The following RAD52 variants were observed in gnomAD, a reference collection of about 807,000 sequenced individuals.
RAD52 encodes the protein DNA repair protein RAD52 homolog.
A neutral mutation model predicts 55.5 loss-of-function variants in RAD52; 47 were observed. The ratio of observed to expected loss-of-function variants is 0.85; its 90% CI spans 0.67 to 1.08. The LOEUF (loss-of-function observed/expected upper bound fraction) is 1.08. Among genes scored for constraint, RAD52 ranks in the 50% least tolerant of loss-of-function variants. The pLI is 0.00. For missense variants in RAD52, 468 were observed against 522.8 expected (o/e 0.90, Z 1.02); for synonymous variants, 184 against 198.9 (o/e 0.92, Z 0.63).
chr12:945,572 T>C (rs1317448810), intron 1 of RAD52, among the ~76,000 whole-genome samples: 1 of 151,134 alleles, frequency 6.6e-6, no homozygotes, highest in African/African-American at 2.4e-5. Flanking sequence ...TAGCTGGAAC[T>C]ACAGGCATGC....
chr12:966,752 C>G (rs1007229020), intron 1 of RAD52, among the ~76,000 whole-genome samples: 8 of 151,926 alleles, frequency 5.3e-5, no homozygotes, highest in African/African-American at 1.9e-4. Flanking sequence ...GTCCTAGGAG[C>G]TCAAATAATA....
intron 10 of RAD52, 74 bp from the exon 11 acceptor site, chr12:914,195 C>A: frequency 7.0e-7 from 1 of 1,436,488 alleles, no homozygotes; most frequent in South Asian, 1.2e-5. Context: ...GAAAAACTGG[C>A]CCTCAGAAAT....
chr12:950,941 A>G (rs1034093445), upstream of RAD52, among the ~76,000 whole-genome samples: 8 of 151,956 alleles, frequency 5.3e-5, no homozygotes, highest in East Asian at 1.6e-3. Context: ...TAGTAGAGAC[A>G]GGGTTTCTCC....
chr12:956,919 T>C (rs1344426672), intron 1 of RAD52, among the ~76,000 whole-genome samples: 2 of 152,188 alleles, frequency 1.3e-5, no homozygotes, highest in Admixed American at 6.5e-5. Flanking sequence ...AGATGAGTTA[T>C]AAGATTATAG....
intron 1 of RAD52, among the ~76,000 whole-genome samples, chr12:955,032 C>T (rs1958585435): frequency 1.3e-5 from 2 of 152,134 alleles, no homozygotes; most frequent in South Asian, 4.1e-4. Context: ...AAGTGCTAGG[C>T]AGACAAAACA....
chr12:923,731 ATAGT>A (rs1956863798), intron 7 of RAD52, among the ~76,000 whole-genome samples: 1 of 152,136 alleles, frequency 6.6e-6, no homozygotes, highest in South Asian at 2.1e-4. Context: ...CACACTAAAA[ATAGT>A]TAAAATGTGA....
intron 7 of RAD52, among the ~76,000 whole-genome samples, chr12:924,641 G>C (rs1015035987): frequency 2.0e-5 from 3 of 152,182 alleles, no homozygotes; most frequent in African/African-American, 7.2e-5. Flanking sequence ...TGGCAAGGCA[G>C]TGTGACTCCA....
intron 5 of RAD52, among the ~76,000 whole-genome samples, chr12:927,618 C>T (rs528605860): frequency 1.8e-4 from 27 of 152,218 alleles, no homozygotes; most frequent in Non-Finnish European, 2.6e-4. Flanking sequence ...GTAATCCCAG[C>T]CCTTTGGGAG....
intron 1 of RAD52, among the ~76,000 whole-genome samples, chr12:971,187 G>A (rs1009371523): frequency 2.6e-5 from 4 of 152,060 alleles, no homozygotes; most frequent in Admixed American, 2.0e-4. Flanking sequence ...ATTTCCCTTG[G>A]GGTGACTATG....
At chr12:934,682 A>G (rs1957521183) in intron 1 of RAD52, among the ~76,000 whole-genome samples, 1 of 152,150 alleles carries the variant, frequency 6.6e-6, no homozygotes. Flanking sequence ...AATTACCTTG[A>G]CTGTGGTAAT....
chr12:953,404 A>G (rs1170073669), upstream of RAD52, among the ~76,000 whole-genome samples: 3 of 152,194 alleles, frequency 2.0e-5, no homozygotes, highest in Non-Finnish European at 4.4e-5. Flanking sequence ...GCCAGAAGCC[A>G]AAGAACATGA....
At chr12:966,100 T>C (rs1324133596) in intron 1 of RAD52, among the ~76,000 whole-genome samples, 2 of 152,058 alleles carry the variant, frequency 1.3e-5, no homozygotes, top group Non-Finnish European at 2.9e-5. Flanking sequence ...ACTCAGCCTC[T>C]GGACGGGCAT....
At chr12:915,379 T>G (rs1956303053) in intron 9 of RAD52, among the ~76,000 whole-genome samples, 1 of 152,230 alleles carries the variant, frequency 6.6e-6, no homozygotes, top group Admixed American at 6.5e-5. Context: ...CTGTCGGTGC[T>G]GAGGGGCATA....
chr12:917,112 C>T (rs971249984), intron 7 of RAD52, among the ~76,000 whole-genome samples: 2 of 152,210 alleles, frequency 1.3e-5, no homozygotes, highest in South Asian at 2.1e-4. Flanking sequence ...GCCTCCTTGT[C>T]CTTTTTCCAC....
chr12:964,397 G>GTCCCTA (rs1958729318), intron 1 of RAD52, among the ~76,000 whole-genome samples: 1 of 152,084 alleles, frequency 6.6e-6, no homozygotes, highest in Non-Finnish European at 1.5e-5. Context: ...GCGAAACCCT[G>GTCCCTA]TCCCTACTAA....
chr12:954,447 C>G (rs1958578148), upstream of RAD52, among the ~76,000 whole-genome samples: 1 of 152,132 alleles, frequency 6.6e-6, no homozygotes, highest in Non-Finnish European at 1.5e-5. Flanking sequence ...GCCTGGCCAA[C>G]ATGACAAAAC....
intron 1 of RAD52, among the ~76,000 whole-genome samples, chr12:939,904 G>A (rs1201453495): frequency 6.6e-6 from 1 of 152,100 alleles, no homozygotes; most frequent in African/African-American, 2.4e-5. Context: ...GTGAAACCCC[G>A]TCTCTACTGA....
At chr12:987,429 A>C (rs1246247254) in intron 1 of RAD52, among the ~76,000 whole-genome samples, 1 of 151,584 alleles carries the variant, frequency 6.6e-6, no homozygotes, top group Non-Finnish European at 1.5e-5. Flanking sequence ...ATTGTCTTGC[A>C]TTATTTTTTC....
chr12:913,378 GCC>G lies in RAD52; in HGVS notation c.*11_*12del, dbSNP rs1565642165. ...CTTTGTGACAGAGTCCAATTATGTG[GCC>G]TGAGCCTCAGTTAAGATGGATCATA... On this transcript the variant is annotated 3_prime_UTR_variant, in exon 12 of 12. Coordinates refer to ENST00000358495, the MANE Select transcript of RAD52 (RefSeq NM_134424.4). 1.9e-6 allele frequency: 3 copies of G among 1,585,812 alleles called. No individual in the cohort carries two copies. The Admixed American group carries it at 5.1e-5, about 27-fold the overall frequency.
Sources: allele counts gnomAD v4.1 joint callset (sites outside exome capture counted in the v4.1 genomes callset), GRCh38; gene constraint gnomAD v4.1.1; transcripts MANE v1.5; gene names NCBI Gene and HGNC (gene_info 2026-07-23, HGNC 2026-07-21).